Variants in TM2D2 observed in about 807,000 individuals in gnomAD.
The protein encoded by TM2D2 is TM2 domain-containing protein 2.
In TM2D2, 19 loss-of-function variants were observed where a neutral mutation model predicts 23.0. The observed-to-expected ratio is 0.82, with a 90% CI of 0.58 to 1.21. The LOEUF (loss-of-function observed/expected upper bound fraction) is 1.21. TM2D2 is among the 50% of genes most tolerant of loss of function. TM2D2 has a pLI of 0.00. For missense variants in TM2D2, 246 were observed against 265.4 expected (o/e 0.93, Z 0.51); for synonymous variants, 120 against 108.8 (o/e 1.10, Z -0.64).
chr8:38,993,514 T>C (rs760827864), intron 3 of TM2D2, 31 bp downstream of exon 3: 1 of 1,526,690 alleles, frequency 6.6e-7, no homozygotes, highest in East Asian at 2.3e-5. Context: ...TCCAACCAAG[T>C]ACCAACTACT....
In TM2D2 at chr8:38,996,497, A is replaced by G. The variant is rs1835805353; in HGVS notation, c.-58T>C. ...AACCACAACCCCAGGCCAGCAGCACAGACCCAAGAACTGCGTGGTCAGGCC... is the reference window on the plus strand; with the variant it reads ...AACCACAACCCCAGGCCAGCAGCACGGACCCAAGAACTGCGTGGTCAGGCC... On this transcript the variant is annotated 5_prime_UTR_variant, in exon 1 of 4. Transcript: ENST00000456397. 2 of 1,604,796 alleles carry G rather than the reference A, an allele frequency of 1.2e-6. No individual in the cohort carries two copies. Among genetic ancestry groups the G allele is most frequent in the Non-Finnish European group, 1.7e-6 (2 of 1,174,472 alleles).
chr8:38,996,101 G>A (rs6991968), intron 1 of TM2D2, 112 bp downstream of exon 1: 537,368 of 1,288,446 alleles, frequency 0.42, 115,074 homozygotes, highest in East Asian at 0.72. Flanking sequence ...AACGACCTCA[G>A]AGAGGCAGGG....
rs1835568773 is a variant in TM2D2, at chr8:38,990,435, T to C, written c.*897A>G. The C allele has an allele frequency of 6.6e-6, 1 of 152,238 alleles. No individual in the cohort carries two copies. The highest frequency in any genetic ancestry group is 2.4e-5 in the African/African-American group (1 of 41,468). The allele number at this position is 152,238 out of a possible 1,614,324, so 9.4% of individuals were successfully genotyped here. A position where few individuals can be genotyped will look rare whatever the true frequency, so the allele number is the denominator to read the frequency against. ...CTGGAACATTTCCTTTTATTCCTGG[T>C]GACCGGGGAATGCAGAGGTGTGGCT... On this transcript the variant is annotated 3_prime_UTR_variant, in exon 4 of 4. Coordinates refer to ENST00000456397, the MANE Select transcript of TM2D2 (RefSeq NM_078473.3).
chr8:38,995,852 G>A (rs1193809360), intron 1 of TM2D2: 9 of 1,123,828 alleles, frequency 8.0e-6, no homozygotes, highest in African/African-American at 1.6e-5. Flanking sequence ...GCAGAGACAA[G>A]TCATTTACTC....
At position 38,991,381 on chromosome 8, in the gene TM2D2, G is replaced by C; in HGVS notation, c.596C>G (p.Thr199Ser). Residue 199 changes from threonine to serine, a missense_variant, in exon 4 of 4, where the codon ACT (threonine) becomes AGT (serine). This residue lies in a region of TM2D2 where 34 missense variants were observed against 63.2 expected (regional missense o/e 0.54). Coordinates refer to ENST00000456397, the MANE Select transcript of TM2D2 (RefSeq NM_078473.3). ...WWFVDLILLI[T>S]GGLMPSDGSN... is the part of the protein sequence containing the mutation. Reference sequence around the variant, plus strand: ...GCCATCACTTGGCATCAGCCCTCCAGTAATTAGCAAAATAAGGTCAACAAA... The same window carrying C: ...GCCATCACTTGGCATCAGCCCTCCACTAATTAGCAAAATAAGGTCAACAAA... The C allele has an allele frequency of 6.2e-7, 1 of 1,614,134 alleles. No individual in the cohort carries two copies. Among genetic ancestry groups the C allele is most frequent in the Non-Finnish European group, 8.5e-7 (1 of 1,180,036 alleles).
At chr8:38,992,303 CAA>C (rs11332696) in intron 3 of TM2D2, among the ~76,000 whole-genome samples, 1,079 of 47,392 alleles carry the variant, frequency 0.023, 23 homozygotes, top group African/African-American at 0.088. Flanking sequence ...CTGTTTCTAC[CAA>C]AAAAAAAAAA....
chr8:38,995,516 G>A, intron 1 of TM2D2, 111 bp from the exon 2 acceptor site: 1 of 1,567,986 alleles, frequency 6.4e-7, no homozygotes, highest in Middle Eastern at 1.7e-4. Flanking sequence ...AGTTTTCTGG[G>A]GTTCGGTTTC....
At chr8:38,996,968 C>T (rs1279823263), upstream of TM2D2, 4 of 1,511,030 alleles carry the variant, frequency 2.6e-6, no homozygotes, top group African/African-American at 1.4e-5. Context: ...GCGCGCTTCC[C>T]GGCCAGACTT....
At position 38,996,240 on chromosome 8, in the gene TM2D2, T is replaced by C. The variant is rs201646635; in HGVS notation, c.200A>G (p.His67Arg). ...GAASWEYGDPHSPVILCSYLP... is the reference protein window; with the variant it reads ...GAASWEYGDPRSPVILCSYLP... ...GTAAGAGCAGAGGATGACCGGAGAG[T>C]GGGGGTCGCCATATTCCCAGCTCGC... The change falls in exon 1 of 4, where the codon CAC becomes CGC. Residue 67 changes from histidine to arginine, a missense_variant. Around this residue, in one of 2 missense-constraint regions of TM2D2, gnomAD observed 212 missense variants for 202.2 expected, o/e 1.05. Transcript: ENST00000456397. The C allele has an allele frequency of 4.3e-5, 70 of 1,611,960 alleles. No homozygotes were observed. The East Asian group carries it at 1.5e-3, about 34-fold the overall frequency.
At position 38,991,560 on chromosome 8, in the gene TM2D2, T is replaced by C; in HGVS notation, c.432-15A>G. The C allele has an allele frequency of 6.3e-7, 1 of 1,593,460 alleles. No individual in the cohort carries two copies. The highest frequency in any genetic ancestry group is 8.6e-7 in the Non-Finnish European group (1 of 1,161,500). ...GTCCGGTATACCTAGGTGAAAGGAA[T>C]GAAAAGGAAGATGTTTTACTGCACG... On this transcript the variant is annotated splice_polypyrimidine_tract_variant and intron_variant, in intron 3 of 3. Transcript: ENST00000456397.
At position 38,989,136 on chromosome 8, in the gene TM2D2, T is replaced by C. The variant is rs944209243; in HGVS notation, c.*2196A>G. ...AAACCAGTAATTTTGGATTGTCACA[T>C]AGGAATACTGATGATTCTCAAATTA... On this transcript the variant is annotated 3_prime_UTR_variant, in exon 4 of 4. Coordinates refer to ENST00000456397, the MANE Select transcript of TM2D2 (RefSeq NM_078473.3). 6.6e-6 allele frequency: 1 copy of C among 152,236 alleles called. No individual in the cohort carries two copies. The highest frequency in any genetic ancestry group is 2.4e-5 in the African/African-American group (1 of 41,460). The allele number at this position is 152,236 out of a possible 1,614,324, so 9.4% of individuals were successfully genotyped here.
chr8:38,991,476 T>G lies in TM2D2; in HGVS notation c.501A>C (p.Arg167=). The change falls in exon 4 of 4, where the codon CGA becomes CGC. Residue 167 remains arginine (R), a synonymous_variant. Coordinates refer to ENST00000456397, the MANE Select transcript of TM2D2 (RefSeq NM_078473.3). The part of the protein sequence containing the change: ...SFFLGCFGVD[R]FCLGHTGTAV... ...CAGTGCCAGTGTGTCCCAAACAGAA[T>G]CGATCCACACCAAAACATCCCAGGA... The G allele has an allele frequency of 6.2e-7, 1 of 1,613,392 alleles. No individual in the cohort carries two copies. Among genetic ancestry groups the G allele is most frequent in the Non-Finnish European group, 8.5e-7 (1 of 1,179,836 alleles).
chr8:38,992,866 C>G (rs1394269829), intron 3 of TM2D2, among the ~76,000 whole-genome samples: 1 of 152,198 alleles, frequency 6.6e-6, no homozygotes, highest in Non-Finnish European at 1.5e-5. Context: ...AGGCTCTGCC[C>G]TTATCCACTG....
At chr8:38,992,948 A>G (rs1237713746) in intron 3 of TM2D2, among the ~76,000 whole-genome samples, 2 of 152,230 alleles carry the variant, frequency 1.3e-5, no homozygotes, top group African/African-American at 4.8e-5. Flanking sequence ...CAAACTGTAC[A>G]AGGAAATTCT....
rs1416296295 is a variant in TM2D2, at chr8:38,989,320, T to C, written c.*2012A>G. ...CCTTGGAGCTGCAAAATTTCTTTTT[T>C]GGTCAGAGTCTCACTCTGTTGCCCA... On this transcript the variant is annotated 3_prime_UTR_variant, in exon 4 of 4. Coordinates refer to ENST00000456397, the MANE Select transcript of TM2D2 (RefSeq NM_078473.3). The C allele has an allele frequency of 6.6e-6, 1 of 152,244 alleles. No individual in the cohort carries two copies. Among genetic ancestry groups the C allele is most frequent in the Non-Finnish European group, 1.5e-5 (1 of 68,082 alleles). The allele number at this position is 152,244 out of a possible 1,614,324, so 9.4% of individuals were successfully genotyped here. A position where few individuals can be genotyped will look rare whatever the true frequency, so the allele number is the denominator to read the frequency against.
Position 38,996,360 on chromosome 8 carries a change from A to G in TM2D2, c.80T>C (p.Leu27Pro). The change falls in exon 1 of 4, where the codon CTG becomes CCG. Residue 27 changes from leucine to proline, a missense_variant. Leu to Pro is a moderately conservative substitution (Grantham distance 98). Around this residue, in one of 2 missense-constraint regions of TM2D2, gnomAD observed 212 missense variants for 202.2 expected, o/e 1.05. Coordinates refer to ENST00000456397, the MANE Select transcript of TM2D2 (RefSeq NM_078473.3). ...CGAGTGGCTCCGAGACACACAATGCAGCAGAAGTAAATTCCCCAGCAGCAA... is the reference window on the plus strand; with the variant it reads ...CGAGTGGCTCCGAGACACACAATGCGGCAGAAGTAAATTCCCCAGCAGCAA... The part of the protein sequence containing the change: ...AALLLGNLLL[L>P]HCVSRSHSQN... 6.2e-6 allele frequency: 10 copies of G among 1,614,202 alleles called. No individual in the cohort carries two copies. Among genetic ancestry groups the G allele is most frequent in the Non-Finnish European group, 8.5e-6 (10 of 1,180,022 alleles).
At position 38,996,487 on chromosome 8, in the gene TM2D2, C is replaced by A. The variant is rs373730887; in HGVS notation, c.-48G>T. On this transcript the variant is annotated 5_prime_UTR_variant, in exon 1 of 4. Coordinates refer to ENST00000456397, the MANE Select transcript of TM2D2 (RefSeq NM_078473.3). Reference sequence around the variant, plus strand: ...ACCCGGCCTCAACCACAACCCCAGGCCAGCAGCACAGACCCAAGAACTGCG... The same window carrying A: ...ACCCGGCCTCAACCACAACCCCAGGACAGCAGCACAGACCCAAGAACTGCG... The A allele has an allele frequency of 4.7e-5, 76 of 1,610,060 alleles. No individual in the cohort carries two copies. In the African/African-American group the frequency reaches 9.9e-4, roughly 21 times the overall value.
intron 2 of TM2D2, 69 bp downstream of exon 2, chr8:38,995,249 T>C: frequency 8.7e-7 from 1 of 1,146,736 alleles, no homozygotes; most frequent in Non-Finnish European, 1.2e-6. Context: ...TATACTTTTA[T>C]GTAATAGCAT....
upstream of TM2D2, chr8:38,996,672 T>A: frequency 7.0e-7 from 1 of 1,426,822 alleles, no homozygotes; most frequent in Non-Finnish European, 9.1e-7. Context: ...ATTCCTCTTC[T>A]GGGTCTCATG....
Sources: allele counts gnomAD v4.1 joint callset (sites outside exome capture counted in the v4.1 genomes callset), GRCh38; gene constraint gnomAD v4.1.1; regional missense constraint gnomAD v4.1.1; transcripts MANE v1.5; gene names NCBI Gene and HGNC (gene_info 2026-07-23, HGNC 2026-07-21).